The following IQANK1 variants were observed in gnomAD, a reference collection of about 807,000 sequenced individuals.
The protein encoded by IQANK1 is IQ motif and ankyrin repeat containing 1.
A neutral mutation model predicts 22.6 loss-of-function variants in IQANK1; 30 were observed. The observed-to-expected ratio is 1.33, with a 90% CI of 0.99 to 1.80. IQANK1 has a LOEUF of 1.80. Ranked by LOEUF, IQANK1 falls within the 40% of genes most tolerant of loss-of-function variation. IQANK1 has a pLI of 0.00. For missense variants in IQANK1, 275 were observed against 235.2 expected (o/e 1.17, Z -1.11); for synonymous variants, 122 against 99.6 (o/e 1.23, Z -1.34).
At chr8:143,751,306 T>A (rs955199561) in intron 3 of IQANK1, among the ~76,000 whole-genome samples, 101 of 152,118 alleles carry the variant, frequency 6.6e-4, no homozygotes, top group African/African-American at 2.4e-3. Flanking sequence ...TTAAATAATT[T>A]AAAAATAATA....
chr8:143,783,595 C>T (rs1460587036), intron 7 of IQANK1, among the ~76,000 whole-genome samples: 1 of 152,122 alleles, frequency 6.6e-6, no homozygotes, highest in Non-Finnish European at 1.5e-5. Flanking sequence ...TAAATTTTAT[C>T]ATTCTTTTCC....
chr8:143,765,300 T>C (rs1429192791), intron 3 of IQANK1, among the ~76,000 whole-genome samples: 1 of 151,762 alleles, frequency 6.6e-6, no homozygotes, highest in Non-Finnish European at 1.5e-5. Context: ...GAGGTTGCAG[T>C]GAGCCAGGAT....
rs1430584237 is a variant in IQANK1 at position 143,739,874 on chromosome 8, ACCGC to A, written c.107_110del (p.Pro36ArgfsTer119). 1 of 693,690 alleles carries A rather than the reference ACCGC, an allele frequency of 1.4e-6. No homozygotes were observed. Among genetic ancestry groups the A allele is most frequent in the Non-Finnish European group, 2.6e-6 (1 of 381,424 alleles). 43.0% of individuals were successfully genotyped at this position (693,690 alleles called of 1,614,324 possible). A position where few individuals can be genotyped will look rare whatever the true frequency, so the allele number is the denominator to read the frequency against. The stretch of plus-strand genomic sequence containing the variant: ...TTTCCCTTAGGGAAGCCCGGGGAGA[ACCGC>A]CCGCCGCAGAGGAAAGCGGGCTGGC... On this transcript the variant is annotated frameshift_variant, in exon 3 of 14. Transcript: ENST00000527139. LOFTEE classifies it high-confidence loss of function.
intron 3 of IQANK1, among the ~76,000 whole-genome samples, chr8:143,755,318 C>T (rs139513478): frequency 5.8e-4 from 89 of 152,154 alleles, no homozygotes; most frequent in Middle Eastern, 3.4e-3. Flanking sequence ...TTCCTTAGTC[C>T]GCATCAATGT....
intron 12 of IQANK1, 28 bp downstream of exon 12, chr8:143,790,092 A>C: frequency 8.1e-7 from 1 of 1,232,044 alleles, no homozygotes. Context: ...GACGTGGGCG[A>C]TTTGGGGTTT....
intron 7 of IQANK1, among the ~76,000 whole-genome samples, chr8:143,784,533 T>G (rs1357930927): frequency 6.6e-6 from 1 of 152,246 alleles, no homozygotes; most frequent in African/African-American, 2.4e-5. Context: ...GAGAATGGAC[T>G]AATACAGATG....
At chr8:143,776,960 T>TA (rs199689775) in intron 7 of IQANK1, among the ~76,000 whole-genome samples, 16 of 149,514 alleles carry the variant, frequency 1.1e-4, no homozygotes, top group African/African-American at 1.7e-4. Context: ...TTCCTAGAAT[T>TA]AAAAAAAAAA....
chr8:143,734,924 C>T (rs1818689133), intron 1 of IQANK1, among the ~76,000 whole-genome samples: 1 of 151,924 alleles, frequency 6.6e-6, no homozygotes, highest in Non-Finnish European at 1.5e-5. Flanking sequence ...TAGGGCCCCT[C>T]CCCCTCTTAG....
Position 143,750,964 on chromosome 8 carries a change from GTGTTTT to G in IQANK1, c.175+11018_175+11023del, listed in dbSNP as rs1349083528. 8.0e-4 allele frequency among the ~76,000 whole-genome samples: 121 copies of G among 150,800 alleles called. 1 individual carries two copies. The highest frequency in any genetic ancestry group is 2.9e-3 in the African/African-American group (117 of 40,660). On this transcript the variant is annotated intron_variant, in intron 3 of 13. Coordinates refer to ENST00000527139, the MANE Select transcript of IQANK1 (RefSeq NM_001381874.1). ...TTCTTTTGTGTGTGTGTGTGTGTGT[GTGTTTT>G]TTTGTAGTGAAATGTTTCAATTTCT...
At chr8:143,783,743 T>C (rs1047049317) in intron 7 of IQANK1, among the ~76,000 whole-genome samples, 1 of 152,216 alleles carries the variant, frequency 6.6e-6, no homozygotes, top group Non-Finnish European at 1.5e-5. Flanking sequence ...GTGCGTTGTT[T>C]TGGTCCTCCT....
At chr8:143,741,559 T>C (rs1818915476) in intron 3 of IQANK1, among the ~76,000 whole-genome samples, 1 of 152,188 alleles carries the variant, frequency 6.6e-6, no homozygotes, top group Non-Finnish European at 1.5e-5. Flanking sequence ...TGGGAGTCTA[T>C]TTCAGGCAGA....
At chr8:143,751,611 CAAA>C (rs1184308306) in intron 3 of IQANK1, among the ~76,000 whole-genome samples, 2 of 79,270 alleles carry the variant, frequency 2.5e-5, no homozygotes, top group Admixed American at 1.5e-4. Flanking sequence ...GACTTCATCT[CAAA>C]AAAAAAAAAA....
In IQANK1 at chr8:143,751,704, C is replaced by G. The variant is rs918516525; in HGVS notation, c.175+11756C>G. On this transcript the variant is annotated intron_variant, in intron 3 of 13. Coordinates refer to ENST00000527139, the MANE Select transcript of IQANK1 (RefSeq NM_001381874.1). ...AAATCCTATACAAAACAGACATAGA[C>G]TTAGAAGTTACCCACATGTTTATCT... Among the ~76,000 whole-genome samples, 3 of 112,740 alleles carry G rather than the reference C, an allele frequency of 2.7e-5. No individual in the cohort carries two copies. In the Admixed American group the frequency reaches 3.2e-4, roughly 12 times the overall value. The allele number at this position is 112,740 out of a possible 152,430, so 74.0% of individuals were successfully genotyped here.
intron 3 of IQANK1, among the ~76,000 whole-genome samples, chr8:143,762,263 C>T (rs528393352): frequency 1.9e-4 from 29 of 150,534 alleles, no homozygotes; most frequent in South Asian, 6.4e-4. Flanking sequence ...GAGCCGAGAT[C>T]GCGCCATTGC....
chr8:143,749,364 TATAA>T (rs1357605446), intron 3 of IQANK1, among the ~76,000 whole-genome samples: 2 of 129,866 alleles, frequency 1.5e-5, no homozygotes, highest in Non-Finnish European at 3.1e-5. Flanking sequence ...TATAAAAATA[TATAA>T]ATATATATAA....
At chr8:143,734,658 C>T (rs1263981005) in intron 1 of IQANK1, among the ~76,000 whole-genome samples, 3 of 151,962 alleles carry the variant, frequency 2.0e-5, no homozygotes, top group Admixed American at 6.6e-5. Flanking sequence ...TATGAGATTT[C>T]TCAGACACCA....
intron 3 of IQANK1, among the ~76,000 whole-genome samples, chr8:143,767,392 T>A (rs947647311): frequency 6.6e-6 from 1 of 152,240 alleles, no homozygotes; most frequent in African/African-American, 2.4e-5. Flanking sequence ...CTTGTGTGTA[T>A]CTTTGTCAGA....
In IQANK1 at chr8:143,762,190, A is replaced by C. The variant is rs1415285635; in HGVS notation, c.176-9298A>C. 3.9e-5 allele frequency among the ~76,000 whole-genome samples: 6 copies of C among 152,146 alleles called. No homozygotes were observed. The East Asian group carries it at 1.2e-3, about 29-fold the overall frequency. ...ACCAGGCGTGGTGGCAAGCACCTGT[A>C]ATCCCAGCTACTCGGGAGGCTGAGG... is the stretch of plus-strand genomic sequence containing the variant. On this transcript the variant is annotated intron_variant, in intron 3 of 13. Coordinates refer to ENST00000527139, the MANE Select transcript of IQANK1 (RefSeq NM_001381874.1).
At chr8:143,772,306 C>T in intron 6 of IQANK1, 51 bp from the exon 7 acceptor site, 1 of 398,600 alleles carries the variant, frequency 2.5e-6, no homozygotes, top group Non-Finnish European at 4.4e-6. Context: ...TCAGGGGCCT[C>T]CTTCCCCCAG....
Sources: gnomAD v4.1 joint callset for allele counts (sites outside exome capture counted in the v4.1 genomes callset) on GRCh38, gnomAD v4.1.1 for gene constraint, MANE v1.5 for transcripts, NCBI Gene and HGNC (gene_info 2026-07-23, HGNC 2026-07-21) for gene names.